ARL15: variants seen among roughly 807,000 people sequenced by gnomAD.
ARL15 encodes ARF like GTPase 15.
In ARL15, 19 loss-of-function variants were observed where a neutral mutation model predicts 25.2. That is an observed-to-expected ratio of 0.75 (90% CI 0.53 to 1.10). The LOEUF (loss-of-function observed/expected upper bound fraction) is 1.10. ARL15 is among the 50% of genes least tolerant of loss of function. The probability of loss-of-function intolerance (pLI) is 0.00; values close to 1 mark genes in which losing one functional copy is unlikely to be tolerated. For synonymous variants in ARL15, 94 were observed against 86.8 expected, an observed-to-expected ratio of 1.08 and a Z score of -0.46; for missense variants, 220 against 246.0, an observed-to-expected ratio of 0.89 and a Z score of 0.71.
At chr5:54,031,286 C>G (rs1045969998) in intron 4 of ARL15, among the ~76,000 whole-genome samples, 4 of 152,160 alleles carry the variant, frequency 2.6e-5, no homozygotes, top group Non-Finnish European at 5.9e-5. Flanking sequence ...ACTTGATGCT[C>G]AGACCATTAA....
At chr5:54,158,602 C>T (rs549300335) in intron 2 of ARL15, among the ~76,000 whole-genome samples, 7 of 152,304 alleles carry the variant, frequency 4.6e-5, no homozygotes, top group East Asian at 1.9e-4. Context: ...GTGCCAGGCA[C>T]GGTGGCTCAC....
chr5:54,044,307 G>A (rs1277125773), intron 4 of ARL15, among the ~76,000 whole-genome samples: 2 of 147,376 alleles, frequency 1.4e-5, no homozygotes, highest in African/African-American at 2.5e-5. Context: ...GCAATGGTGC[G>A]ATCTTGGCTC....
At chr5:53,998,285 A>G (rs1239631145) in intron 4 of ARL15, among the ~76,000 whole-genome samples, 2 of 54,014 alleles carry the variant, frequency 3.7e-5, no homozygotes, top group Admixed American at 1.9e-4. Context: ...GACATCAGGA[A>G]AAAAAAAAAA....
rs116982401 is a variant in ARL15, at chr5:54,078,986, A to G, written c.462+34216T>C. ...TACCTTATTTAATTCAAAAGAATTC[A>G]GTGGTTTGTGCATTTCACTAAAACA... On this transcript the variant is annotated intron_variant, in intron 4 of 4. Coordinates refer to ENST00000504924, the MANE Select transcript of ARL15 (RefSeq NM_019087.3). 4.3e-3 allele frequency among the ~76,000 whole-genome samples: 650 copies of G among 152,318 alleles called. 10 individuals are homozygous for G. The highest frequency in any genetic ancestry group is 0.041 in the East Asian group (213 of 5,192).
At chr5:54,029,719 C>A (rs1032623804) in intron 4 of ARL15, among the ~76,000 whole-genome samples, 3 of 151,960 alleles carry the variant, frequency 2.0e-5, no homozygotes, top group South Asian at 4.1e-4. Context: ...AATGGCTGGG[C>A]GCGGTGGCTC....
In ARL15 at chr5:54,219,819, TACTA is replaced by T. The variant is rs1756319622; in HGVS notation, c.49-47895_49-47892del. 2.0e-5 allele frequency among the ~76,000 whole-genome samples: 3 copies of T among 152,240 alleles called. No homozygotes were observed. In the South Asian group the frequency reaches 6.2e-4, roughly 31 times the overall value. Reference sequence around the variant, plus strand: ...TTGTGGCTAAAAAGTTCATTCCTGATACTAACTGTTCTTTAAAAGCCATGGGCAA... The same window carrying T: ...TTGTGGCTAAAAAGTTCATTCCTGATACTGTTCTTTAAAAGCCATGGGCAA... On this transcript the variant is annotated intron_variant, in intron 1 of 4. Transcript: ENST00000504924.
intron 4 of ARL15, among the ~76,000 whole-genome samples, chr5:54,011,942 A>G (rs255755): frequency 0.29 from 43,568 of 151,910 alleles, 6,474 homozygotes; most frequent in East Asian, 0.46. Flanking sequence ...CCAGGAGGCC[A>G]AGGTTGCAGT....
At chr5:54,236,793 T>C (rs1013912093) in intron 1 of ARL15, among the ~76,000 whole-genome samples, 5 of 152,200 alleles carry the variant, frequency 3.3e-5, no homozygotes, top group Non-Finnish European at 7.3e-5. Flanking sequence ...CTACTTCCAT[T>C]AATATTTGTA....
intron 4 of ARL15, among the ~76,000 whole-genome samples, chr5:54,072,262 T>C (rs1751453276): frequency 6.6e-6 from 1 of 152,192 alleles, no homozygotes; most frequent in East Asian, 1.9e-4. Flanking sequence ...CTCCCAGTTC[T>C]CTCCACACAC....
intron 1 of ARL15, among the ~76,000 whole-genome samples, chr5:54,178,362 T>A (rs1029468065): frequency 6.6e-6 from 1 of 152,188 alleles, no homozygotes; most frequent in Non-Finnish European, 1.5e-5. Context: ...GCTTTGGGAC[T>A]TCTCCACAGC....
At chr5:53,910,423 C>T (rs78736255) in intron 4 of ARL15, among the ~76,000 whole-genome samples, 4,541 of 151,906 alleles carry the variant, frequency 0.03, 230 homozygotes, top group African/African-American at 0.1. Flanking sequence ...GAAAAGGCCA[C>T]AAGAAATTCA....
At chr5:53,994,875 A>C (rs867285428) in intron 4 of ARL15, among the ~76,000 whole-genome samples, 11 of 152,146 alleles carry the variant, frequency 7.2e-5, no homozygotes, top group African/African-American at 2.7e-4. Context: ...GGGTCTCACT[A>C]TGTTGCTGAG....
intron 4 of ARL15, among the ~76,000 whole-genome samples, chr5:54,037,973 A>G (rs1410625924): frequency 6.6e-6 from 1 of 152,096 alleles, no homozygotes; most frequent in Admixed American, 6.6e-5. Flanking sequence ...AAACTATTAC[A>G]TATCTTAGAA....
At chr5:53,963,302 C>T (rs1263219480) in intron 4 of ARL15, among the ~76,000 whole-genome samples, 2 of 152,124 alleles carry the variant, frequency 1.3e-5, no homozygotes, top group African/African-American at 4.8e-5. Flanking sequence ...GGTAAAAATA[C>T]ATCTTGAAAG....
At chr5:53,947,881 G>C (rs1000335828) in intron 4 of ARL15, among the ~76,000 whole-genome samples, 1 of 152,048 alleles carries the variant, frequency 6.6e-6, no homozygotes, top group Non-Finnish European at 1.5e-5. Flanking sequence ...GGGAGGGCTG[G>C]GAAGGAAGCA....
chr5:54,107,393 C>A (rs1183087873), intron 4 of ARL15, among the ~76,000 whole-genome samples: 2 of 152,020 alleles, frequency 1.3e-5, no homozygotes, highest in East Asian at 1.9e-4. Flanking sequence ...GAATCCGATG[C>A]ACATTAACAT....
chr5:53,961,395 G>T (rs1424986068), intron 4 of ARL15, among the ~76,000 whole-genome samples: 1 of 151,160 alleles, frequency 6.6e-6, no homozygotes, highest in African/African-American at 2.4e-5. Context: ...CTACTCGGGA[G>T]GCTGAGGCAG....
chr5:54,169,084 C>T (rs1056584952), intron 2 of ARL15, among the ~76,000 whole-genome samples: 1 of 152,052 alleles, frequency 6.6e-6, no homozygotes, highest in African/African-American at 2.4e-5. Flanking sequence ...AGAAAATAGA[C>T]TAGTGCACAA....
chr5:53,912,528 A>C (rs1028311582), intron 4 of ARL15, among the ~76,000 whole-genome samples: 14 of 152,224 alleles, frequency 9.2e-5, no homozygotes, highest in African/African-American at 3.4e-4. Flanking sequence ...ACTCCTTGAG[A>C]GTATTGCAAG....
Sources: allele counts gnomAD v4.1 joint callset (sites outside exome capture counted in the v4.1 genomes callset), GRCh38; gene constraint gnomAD v4.1.1; transcripts MANE v1.5; gene names NCBI Gene and HGNC (gene_info 2026-07-23, HGNC 2026-07-21).